Variants in CTNNA2 observed in about 807,000 individuals in gnomAD.
CTNNA2 encodes catenin alpha 2.
CTNNA2 carries 42 observed loss-of-function variants against 101.0 expected under a neutral mutation model. The ratio of observed to expected loss-of-function variants is 0.42; its 90% confidence interval spans 0.32 to 0.54. The LOEUF (loss-of-function observed/expected upper bound fraction) is 0.54, where lower values mean the gene tolerates loss of function less well. Among genes scored for constraint, CTNNA2 ranks in the 20% least tolerant of loss-of-function variants. The pLI, the probability that CTNNA2 is intolerant of heterozygous loss-of-function variation, is 0.14. For synonymous variants in CTNNA2, 450 were observed against 456.4 expected, an observed-to-expected ratio of 0.99 and a Z score of 0.18; for missense variants, 871 against 1,223.1, an observed-to-expected ratio of 0.71 and a Z score of 4.29.
intron 2 of CTNNA2, among the ~76,000 whole-genome samples, chr2:79,216,832 C>A (rs1190803866): frequency 6.6e-6 from 1 of 151,888 alleles, no homozygotes; most frequent in Non-Finnish European, 1.5e-5. Flanking sequence ...GGGTTCATGC[C>A]CCCCAGAACT....
At chr2:79,988,494 G>GTGTGTA (rs1691933532) in intron 7 of CTNNA2, among the ~76,000 whole-genome samples, 2 of 120,688 alleles carry the variant, frequency 1.7e-5, no homozygotes, top group African/African-American at 6.4e-5. Flanking sequence ...GTGTGTGTGT[G>GTGTGTA]TGTGTGTATT....
chr2:79,779,544 T>G (rs966479380), intron 3 of CTNNA2, among the ~76,000 whole-genome samples: 1 of 152,186 alleles, frequency 6.6e-6, no homozygotes, highest in African/African-American at 2.4e-5. Flanking sequence ...GCTTTTTACT[T>G]TTTTACTTTT....
chr2:79,924,238 C>A (rs1282520847), intron 7 of CTNNA2, among the ~76,000 whole-genome samples: 1 of 144,196 alleles, frequency 6.9e-6, no homozygotes, highest in Non-Finnish European at 1.6e-5. Flanking sequence ...AAAACCTCAC[C>A]TTTCTCTTTT....
intron 4 of CTNNA2, among the ~76,000 whole-genome samples, chr2:79,486,995 T>C (rs1298479592): frequency 6.6e-6 from 1 of 152,220 alleles, no homozygotes; most frequent in Non-Finnish European, 1.5e-5. Flanking sequence ...TACATGTATA[T>C]TTACTTCATA....
At chr2:79,343,359 T>C (rs926177351) in intron 3 of CTNNA2, among the ~76,000 whole-genome samples, 2 of 152,218 alleles carry the variant, frequency 1.3e-5, no homozygotes, top group Non-Finnish European at 2.9e-5. Context: ...AATTTTTGTT[T>C]CATTTCAGGT....
At chr2:79,958,726 T>C (rs1265828885) in intron 7 of CTNNA2, among the ~76,000 whole-genome samples, 1 of 152,212 alleles carries the variant, frequency 6.6e-6, no homozygotes, top group Non-Finnish European at 1.5e-5. Context: ...TGTGGTAATT[T>C]TTTTTAGCAC....
At chr2:79,242,969 AATATATATAT>A (rs137898899) in intron 2 of CTNNA2, among the ~76,000 whole-genome samples, 2 of 127,356 alleles carry the variant, frequency 1.6e-5, no homozygotes, top group South Asian at 2.7e-4. Context: ...CCTGTCTCGA[AATATATATAT>A]ATATATATAT....
chr2:80,555,106 C>T (rs1273626922), intron 11 of CTNNA2, among the ~76,000 whole-genome samples: 1 of 152,056 alleles, frequency 6.6e-6, no homozygotes, highest in East Asian at 1.9e-4. Context: ...AATCAGTTTT[C>T]CCATTGCATA....
intron 3 of CTNNA2, among the ~76,000 whole-genome samples, chr2:79,355,140 T>C (rs1677480589): frequency 6.6e-6 from 1 of 152,182 alleles, no homozygotes; most frequent in Non-Finnish European, 1.5e-5. Flanking sequence ...AACCTTGTAG[T>C]ATAATTTTAA....
chr2:79,942,519 G>A (rs993521658), intron 7 of CTNNA2, among the ~76,000 whole-genome samples: 1 of 152,136 alleles, frequency 6.6e-6, no homozygotes, highest in Non-Finnish European at 1.5e-5. Context: ...AAAATATAGC[G>A]AGCCCTGAAT....
Position 80,118,177 on chromosome 2 carries a change from A to C in CTNNA2, c.1056+208380A>C, listed in dbSNP as rs563587805. ...AAAAATTGGTATTCTTTTGATGACC[A>C]AATCTCAAATTTAGGACTTTCCTTT... On this transcript the variant is annotated intron_variant, in intron 7 of 18. Transcript: ENST00000402739. Among the ~76,000 whole-genome samples the C allele has an allele frequency of 8.5e-5, 13 of 152,324 alleles. No individual in the cohort carries two copies. The South Asian group carries it at 2.7e-3, about 32-fold the overall frequency.
chr2:79,738,241 G>T (rs964872933), intron 2 of CTNNA2, among the ~76,000 whole-genome samples: 2 of 152,154 alleles, frequency 1.3e-5, no homozygotes, highest in African/African-American at 2.4e-5. Context: ...ACCATTATTA[G>T]ATTAAGGTCG....
At chr2:79,281,079 G>A (rs910115447) in intron 2 of CTNNA2, among the ~76,000 whole-genome samples, 45 of 151,974 alleles carry the variant, frequency 3.0e-4, no homozygotes, top group Admixed American at 3.0e-3. Flanking sequence ...ACCAGCTAAA[G>A]CATCATTAGC....
chr2:79,522,460 G>A (rs1226499159), intron 1 of CTNNA2, among the ~76,000 whole-genome samples: 1 of 152,180 alleles, frequency 6.6e-6, no homozygotes, highest in African/African-American at 2.4e-5. Flanking sequence ...TTTAATACCA[G>A]ACAGAATGAT....
chr2:79,319,293 A>G (rs1453698110), intron 3 of CTNNA2, among the ~76,000 whole-genome samples: 1 of 152,188 alleles, frequency 6.6e-6, no homozygotes, highest in African/African-American at 2.4e-5. Flanking sequence ...GCTGGCAGAA[A>G]GGAAAGAGTA....
At chr2:80,105,306 A>C (rs923315496) in intron 7 of CTNNA2, among the ~76,000 whole-genome samples, 1 of 152,172 alleles carries the variant, frequency 6.6e-6, no homozygotes, top group Non-Finnish European at 1.5e-5. Context: ...AAATATGAGA[A>C]AATCTAACAA....
chr2:79,909,617 G>A lies in CTNNA2; in HGVS notation c.876G>A (p.Met292Ile). ...AGAATAAGATTATCCTGGACCCCAT[G>A]ACGTTCAGCGAGGCCAGGTTCCGGC... ...EFDNKIILDP[M>I]TFSEARFRPS... Residue 292 changes from methionine to isoleucine, a missense_variant, in exon 7 of 19, where the codon ATG (methionine) becomes ATA (isoleucine). Physicochemically the swap from Met to Ile is conservative, Grantham distance 10. This residue lies in a region of CTNNA2 where 647 missense variants were observed against 831.5 expected (regional missense o/e 0.78). Coordinates refer to ENST00000402739, the MANE Select transcript of CTNNA2 (RefSeq NM_001282597.3). The A allele has an allele frequency of 3.7e-6, 6 of 1,612,416 alleles. No homozygotes were observed. Among genetic ancestry groups the A allele is most frequent in the Non-Finnish European group, 5.1e-6 (6 of 1,178,728 alleles).
chr2:79,756,791 T>C (rs1315011610), intron 3 of CTNNA2, among the ~76,000 whole-genome samples: 1 of 152,180 alleles, frequency 6.6e-6, no homozygotes, highest in East Asian at 1.9e-4. Context: ...AAGGAAGACA[T>C]GCAGATGGCA....
intron 3 of CTNNA2, among the ~76,000 whole-genome samples, chr2:79,360,059 G>A (rs1273321492): frequency 6.6e-6 from 1 of 152,118 alleles, no homozygotes; most frequent in Non-Finnish European, 1.5e-5. Context: ...AATCTCTTTT[G>A]AGTACTTAGT....
Sources: allele counts gnomAD v4.1 joint callset (sites outside exome capture counted in the v4.1 genomes callset), GRCh38; gene constraint gnomAD v4.1.1; regional missense constraint gnomAD v4.1.1; transcripts MANE v1.5; gene names NCBI Gene and HGNC (gene_info 2026-07-23, HGNC 2026-07-21).